Variants in TMX4 observed in about 807,000 individuals in gnomAD.
The protein encoded by TMX4 is thioredoxin-related transmembrane protein 4.
Under a neutral mutation model 33.3 loss-of-function variants are expected in TMX4, and 23 were observed. The observed-to-expected ratio is 0.69, with a 90% CI of 0.50 to 0.98. TMX4 has a LOEUF of 0.98. Among genes scored for constraint, TMX4 ranks in the 50% least tolerant of loss-of-function variants. TMX4 has a pLI of 0.00. For synonymous variants in TMX4, 164 were observed against 161.5 expected (o/e 1.02, Z -0.12); for missense variants, 399 against 448.9 (o/e 0.89, Z 1.01).
intron 2 of TMX4, among the ~76,000 whole-genome samples, chr20:8,008,818 AAACCATG>A (rs1293885134): frequency 6.6e-6 from 1 of 152,216 alleles, no homozygotes; most frequent in African/African-American, 2.4e-5. Context: ...ATAACAGCCA[AAACCATG>A]AACTAATAGC....
chr20:8,018,444 GAGAGGGGGAGGGAGGGAGGGA>G (rs2050789832), intron 1 of TMX4, among the ~76,000 whole-genome samples: 1 of 49,972 alleles, frequency 2.0e-5, no homozygotes, highest in South Asian at 1.8e-3. Flanking sequence ...GAGAGAGAGA[GAGAGGGGGAGGGAGGGAGGGA>G]GGGAGGGAGG....
Position 7,983,897 on chromosome 20 carries a change from C to A in TMX4, c.616-40G>T, listed in dbSNP as rs752090283. The A allele has an allele frequency of 2.0e-6, 3 of 1,506,040 alleles. No individual in the cohort carries two copies. The Admixed American group carries it at 5.2e-5, about 26-fold the overall frequency. 93.3% of individuals were successfully genotyped at this position (1,506,040 alleles called of 1,614,324 possible). On this transcript the variant is annotated intron_variant, in intron 6 of 7. Transcript: ENST00000246024. ...GTGATTTTACAGTGAATAGATAGGACATTTATTACCAAAGGACCTCAAAAT... is the reference window on the plus strand; with the variant it reads ...GTGATTTTACAGTGAATAGATAGGAAATTTATTACCAAAGGACCTCAAAAT...
chr20:7,978,084 T>C lies in TMX4; in HGVS notation c.*4167A>G, dbSNP rs922402752. 3 of 152,240 alleles carry C rather than the reference T, an allele frequency of 2.0e-5. No homozygotes were observed. In the East Asian group the frequency reaches 5.8e-4, roughly 29 times the overall value. The allele number at this position is 152,240 out of a possible 1,614,324, so 9.4% of individuals were successfully genotyped here. A position where few individuals can be genotyped will look rare whatever the true frequency, so the allele number is the denominator to read the frequency against. ...GATATTAAACAAGAAGGAACTTTTC[T>C]GTTGGCATAAGAGATTTGAATGAAT... On this transcript the variant is annotated 3_prime_UTR_variant, in exon 8 of 8. Coordinates refer to ENST00000246024, the MANE Select transcript of TMX4 (RefSeq NM_021156.4).
At chr20:7,992,797 C>T (rs569494162) in intron 5 of TMX4, among the ~76,000 whole-genome samples, 8 of 152,268 alleles carry the variant, frequency 5.3e-5, no homozygotes, top group East Asian at 1.9e-4. Flanking sequence ...ATTCAGTAGG[C>T]GCTGATCTTC....
chr20:7,998,878 ATGT>A (rs1335185629), intron 4 of TMX4, among the ~76,000 whole-genome samples: 4 of 152,040 alleles, frequency 2.6e-5, no homozygotes, highest in African/African-American at 9.7e-5. Context: ...TTTGTAAAAT[ATGT>A]TGTTGTGTTT....
At chr20:7,983,477 A>G (rs946321035) in intron 7 of TMX4, among the ~76,000 whole-genome samples, 4 of 152,242 alleles carry the variant, frequency 2.6e-5, no homozygotes, top group Non-Finnish European at 4.4e-5. Flanking sequence ...ACTAGCACAC[A>G]GCAGAAGCAA....
chr20:7,993,781 G>GCACACACA lies in TMX4; in HGVS notation c.513+2237_513+2244dup, dbSNP rs138693877. ...AGATTTCACAAATTATTAAGGTAATGCACACACACACACACACACGGAGAT... is the reference window on the plus strand; with the variant it reads ...AGATTTCACAAATTATTAAGGTAATGCACACACACACACACACACACACACACGGAGAT... On this transcript the variant is annotated intron_variant, in intron 5 of 7. Coordinates refer to ENST00000246024, the MANE Select transcript of TMX4 (RefSeq NM_021156.4). 1.5e-3 allele frequency among the ~76,000 whole-genome samples: 227 copies of GCACACACA among 149,398 alleles called. 3 individuals are homozygous for GCACACACA. Among genetic ancestry groups the GCACACACA allele is most frequent in the African/African-American group, 5.0e-3 (205 of 40,754 alleles).
chr20:7,980,014 C>T lies in TMX4; in HGVS notation c.*2237G>A, dbSNP rs1236220986. The T allele has an allele frequency of 2.0e-5, 3 of 152,150 alleles. No individual in the cohort carries two copies. Among genetic ancestry groups the T allele is most frequent in the African/African-American group, 7.2e-5 (3 of 41,448 alleles). The allele number at this position is 152,150 out of a possible 1,614,324, so 9.4% of individuals were successfully genotyped here. A position where few individuals can be genotyped will look rare whatever the true frequency, so the allele number is the denominator to read the frequency against. On this transcript the variant is annotated 3_prime_UTR_variant, in exon 8 of 8. Transcript: ENST00000246024. ...GAACAAAGTTTTGATTGCACTGTAA[C>T]TGCCACCTGTCAAATGAGGTCAGGT...
At chr20:8,010,017 G>A (rs900769165) in intron 2 of TMX4, among the ~76,000 whole-genome samples, 183 bp downstream of exon 2, 1 of 151,972 alleles carries the variant, frequency 6.6e-6, no homozygotes, top group African/African-American at 2.4e-5. Flanking sequence ...ATGCAAATAT[G>A]TATGTGCAAA....
chr20:7,986,559 T>C (rs569377296), intron 6 of TMX4, among the ~76,000 whole-genome samples: 1 of 152,264 alleles, frequency 6.6e-6, no homozygotes, highest in East Asian at 1.9e-4. Flanking sequence ...AATATAAAGG[T>C]TTTTAAAAAC....
At chr20:8,005,921 C>T (rs1284627421) in intron 2 of TMX4, among the ~76,000 whole-genome samples, 2 of 152,222 alleles carry the variant, frequency 1.3e-5, no homozygotes, top group Non-Finnish European at 2.9e-5. Flanking sequence ...CTCAATAAAA[C>T]CTTGCACTCA....
At chr20:8,019,337 G>T in intron 1 of TMX4, 101 bp downstream of exon 1, 1 of 1,344,430 alleles carries the variant, frequency 7.4e-7, no homozygotes, top group Non-Finnish European at 9.9e-7. Flanking sequence ...GTTTTAGGTT[G>T]AGCCCAAGCG....
chr20:8,005,496 A>T (rs1198564122), intron 2 of TMX4, among the ~76,000 whole-genome samples: 1 of 152,148 alleles, frequency 6.6e-6, no homozygotes, highest in Non-Finnish European at 1.5e-5. Context: ...GCCCCTGGAG[A>T]GGGCTCCACC....
intron 6 of TMX4, among the ~76,000 whole-genome samples, chr20:7,984,994 G>A (rs929680070): frequency 6.6e-6 from 1 of 152,014 alleles, no homozygotes; most frequent in Non-Finnish European, 1.5e-5. Context: ...TCTCTATGTG[G>A]CTAAGACATG....
chr20:7,985,281 T>A lies in TMX4; in HGVS notation c.616-1424A>T, dbSNP rs961700205. Among the ~76,000 whole-genome samples the A allele has an allele frequency of 3.8e-3, 535 of 142,640 alleles. 6 individuals are homozygous for A. Among genetic ancestry groups the A allele is most frequent in the African/African-American group, 0.012 (464 of 39,552 alleles). 93.6% of individuals were successfully genotyped at this position (142,640 alleles called of 152,430 possible). ...TGTATATATATATATATATATATTTTTTTTTTTTTTGAGACAGGGTCTAGC... is the reference window on the plus strand; with the variant it reads ...TGTATATATATATATATATATATTTATTTTTTTTTTGAGACAGGGTCTAGC... On this transcript the variant is annotated intron_variant, in intron 6 of 7. Coordinates refer to ENST00000246024, the MANE Select transcript of TMX4 (RefSeq NM_021156.4).
At chr20:7,992,113 G>A (rs894469657) in intron 5 of TMX4, among the ~76,000 whole-genome samples, 3 of 152,180 alleles carry the variant, frequency 2.0e-5, no homozygotes, top group African/African-American at 7.2e-5. Flanking sequence ...ATCCATTAGA[G>A]TATTAACATT....
chr20:7,995,991 C>T, intron 5 of TMX4, 35 bp downstream of exon 5: 1 of 1,524,516 alleles, frequency 6.6e-7, no homozygotes, highest in Non-Finnish European at 9.0e-7. Context: ...CTTAACCTCT[C>T]TGCAAATATA....
Position 7,999,837 on chromosome 20 carries a change from C to T in TMX4, c.362G>A (p.Arg121His), listed in dbSNP as rs749133861. The change falls in exon 4 of 8, where the codon CGT (arginine) becomes CAT (histidine). Residue 121 changes from arginine to histidine, a missense_variant. Transcript: ENST00000246024. ...TTCGAAGATTCCTGGGCCACGATAA[C>T]GGCGGAATATCCCATCCTTTGCACT... is the stretch of plus-strand genomic sequence containing the variant. ...FFHAKDGIFRRYRGPGIFEDL... is the reference protein window; with the variant it reads ...FFHAKDGIFRHYRGPGIFEDL... The T allele has an allele frequency of 4.8e-5, 78 of 1,613,234 alleles. No homozygotes were observed. Among genetic ancestry groups the T allele is most frequent in the Middle Eastern group, 1.7e-4 (1 of 6,056 alleles).
chr20:7,989,976 A>C (rs1027447276), intron 5 of TMX4, among the ~76,000 whole-genome samples: 1 of 152,146 alleles, frequency 6.6e-6, no homozygotes, highest in Non-Finnish European at 1.5e-5. Flanking sequence ...ATGATACCTT[A>C]TACTATGGTA....
Sources: gnomAD v4.1 joint callset for allele counts (sites outside exome capture counted in the v4.1 genomes callset) on GRCh38, gnomAD v4.1.1 for gene constraint, MANE v1.5 for transcripts, NCBI Gene and HGNC (gene_info 2026-07-23, HGNC 2026-07-21) for gene names.